Variants in TOP3B observed in about 807,000 individuals in gnomAD.
The protein encoded by TOP3B is DNA topoisomerase 3-beta-1.
A neutral mutation model predicts 93.9 loss-of-function variants in TOP3B; 45 were observed. That is an observed-to-expected ratio of 0.48 (90% CI 0.38 to 0.61). The LOEUF (loss-of-function observed/expected upper bound fraction) is 0.61, where lower values mean the gene tolerates loss of function less well. Among genes scored for constraint, TOP3B ranks in the 20% least tolerant of loss-of-function variants. TOP3B has a pLI of 0.00. For synonymous variants in TOP3B, 357 were observed against 472.6 expected (o/e 0.76, Z 3.17); for missense variants, 750 against 1,156.1 (o/e 0.65, Z 5.09).
chr22:21,971,731 A>C lies in TOP3B; in HGVS notation c.384+146T>G. The C allele has an allele frequency of 4.1e-6, 3 of 739,688 alleles. No individual in the cohort carries two copies. Among genetic ancestry groups the C allele is most frequent in the Non-Finnish European group, 7.3e-6 (3 of 412,316 alleles). 45.8% of individuals were successfully genotyped at this position (739,688 alleles called of 1,614,324 possible). The stretch of plus-strand genomic sequence containing the variant: ...GTTAAAAGTATCTGTGGAGTTTCAG[A>C]ATAAAGGGAGGGGAGAGGTGTTTTT... On this transcript the variant is annotated intron_variant, in intron 5 of 17. Coordinates refer to ENST00000357179, the MANE Select transcript of TOP3B (RefSeq NM_001282112.2). The surrounding 1 kb of genome is among the most constrained non-coding windows in gnomAD (Gnocchi z 4.6).
At position 21,959,707 on chromosome 22, in the gene TOP3B, T is replaced by G; in HGVS notation, c.1684A>C (p.Ser562Arg). The G allele has an allele frequency of 6.2e-7, 1 of 1,613,388 alleles. No homozygotes were observed. Among genetic ancestry groups the G allele is most frequent in the Non-Finnish European group, 8.5e-7 (1 of 1,179,914 alleles). Residue 562 changes from serine (S) to arginine (R), a missense_variant, in exon 15 of 18, where the codon AGT becomes CGT. Transcript: ENST00000357179. Reference sequence around the variant, plus strand: ...AGGTTCAGCTGCTTCTCCACTGCACTGCGGATGGTGGGGAGCACCAGCTCT... The same window carrying G: ...AGGTTCAGCTGCTTCTCCACTGCACGGCGGATGGTGGGGAGCACCAGCTCT... ...DAELVLPTIR[S>R]AVEKQLNLIA...
At position 21,959,663 on chromosome 22, in the gene TOP3B, G is replaced by A. The variant is rs773342827; in HGVS notation, c.1728C>T (p.Ala576=). The change falls in exon 15 of 18, where the codon GCC becomes GCT. Residue 576 remains alanine, a synonymous_variant. Coordinates refer to ENST00000357179, the MANE Select transcript of TOP3B (RefSeq NM_001282112.2). ...KQLNLIAQGK[A]DYRQVLGHTL... ...TGTGGCCCAGGACCTGGCGGTAGTC[G>A]GCCTTGCCCTGGGCGATCAGGTTCA... The A allele has an allele frequency of 6.9e-5, 111 of 1,613,642 alleles. No homozygotes were observed. The South Asian group carries it at 7.4e-4, about 11-fold the overall frequency.
Position 21,974,492 on chromosome 22 carries a change from G to A in TOP3B, c.71-4C>T, listed in dbSNP as rs1221792797. 1.2e-6 allele frequency: 2 copies of A among 1,601,304 alleles called. No individual in the cohort carries two copies. The highest frequency in any genetic ancestry group is 4.5e-5 in the East Asian group (2 of 44,106). On this transcript the variant is annotated splice_region_variant and splice_polypyrimidine_tract_variant and intron_variant, in intron 2 of 17. Coordinates refer to ENST00000357179, the MANE Select transcript of TOP3B (RefSeq NM_001282112.2). ...CCTTTGTGTGAGGACAGGCTCCCTG[G>A]GGATGAGGAAGCACAAAGTGACTGG...
intron 8 of TOP3B, 182 bp downstream of exon 8, chr22:21,967,421 G>A (rs1466258982): frequency 1.5e-5 from 9 of 604,106 alleles, no homozygotes; most frequent in Non-Finnish European, 2.7e-5. Flanking sequence ...CTATTGCACT[G>A]GGCAGAAATA....
At chr22:21,968,112 G>C in intron 7 of TOP3B, 1 of 269,538 alleles carries the variant, frequency 3.7e-6, no homozygotes, top group Non-Finnish European at 7.2e-6. Flanking sequence ...TGCTAGGCTG[G>C]AGTGCAGTGG....
rs577631005 is a variant in TOP3B at position 21,959,074 on chromosome 22, A to C, written c.1905+58T>G. 8 of 1,587,390 alleles carry C rather than the reference A, an allele frequency of 5.0e-6. No individual in the cohort carries two copies. The South Asian group carries it at 8.9e-5, about 18-fold the overall frequency. On this transcript the variant is annotated intron_variant, in intron 16 of 17. Transcript: ENST00000357179. ...AACATGATTCCTGCTGATCAACGAT[A>C]AAGCTGAGGCCTACAGGGGTGAGGC... is the stretch of plus-strand genomic sequence containing the variant.
intron 3 of TOP3B, 82 bp downstream of exon 3, chr22:21,974,275 G>C: frequency 1.3e-6 from 2 of 1,523,686 alleles, no homozygotes; most frequent in Non-Finnish European, 1.8e-6. Flanking sequence ...TCCCTGCCTA[G>C]AGGCATCTCC....
At chr22:21,960,941 G>C (rs892821335) in intron 13 of TOP3B, 1 of 160,032 alleles carries the variant, frequency 6.2e-6, no homozygotes, top group East Asian at 1.8e-4. Context: ...TGCAAGGCCC[G>C]TCACGATCCC....
chr22:21,978,577 G>T (rs749797254), intron 1 of TOP3B, among the ~76,000 whole-genome samples: 15 of 152,130 alleles, frequency 9.9e-5, no homozygotes, highest in Non-Finnish European at 1.9e-4. Flanking sequence ...CAGGCTGGGG[G>T]TCGGGAGATG....
In TOP3B at chr22:21,972,706, T is replaced by C; in HGVS notation, c.215A>G (p.Lys72Arg). The change falls in exon 4 of 18, where the codon AAA (lysine) becomes AGA (arginine). Residue 72 changes from lysine to arginine, a missense_variant. Physicochemically the swap from Lys to Arg is conservative, Grantham distance 26. Coordinates refer to ENST00000357179, the MANE Select transcript of TOP3B (RefSeq NM_001282112.2). ...MTLDFLGKYNKWDKVDPAELF... is the reference protein window; with the variant it reads ...MTLDFLGKYNRWDKVDPAELF... The stretch of plus-strand genomic sequence containing the variant: ...TTCTGCGGGGTCCACTTTGTCCCAT[T>C]TGTTGTATTTTCCTACAAACCAGTC... 2 of 1,613,842 alleles carry C rather than the reference T, an allele frequency of 1.2e-6. No homozygotes were observed. Among genetic ancestry groups the C allele is most frequent in the East Asian group, 2.2e-5 (1 of 44,874 alleles).
intron 1 of TOP3B, among the ~76,000 whole-genome samples, chr22:21,978,286 G>A (rs2071965713): frequency 6.6e-6 from 1 of 152,006 alleles, no homozygotes; most frequent in African/African-American, 2.4e-5. Flanking sequence ...AGGCAGAGCT[G>A]GGCATGGGCT....
intron 1 of TOP3B, among the ~76,000 whole-genome samples, chr22:21,979,527 TG>T (rs569607916): frequency 2.6e-4 from 39 of 152,202 alleles, no homozygotes; most frequent in African/African-American, 8.9e-4. Flanking sequence ...GGCCTCAGGC[TG>T]GGCACGGTGG....
chr22:21,959,033 G>T (rs2071050556), intron 16 of TOP3B, 99 bp downstream of exon 16: 3 of 1,514,004 alleles, frequency 2.0e-6, no homozygotes, highest in Non-Finnish European at 2.7e-6. Context: ...ATTCTTTTGT[G>T]ACAACCAGGA....
intron 16 of TOP3B, 87 bp from the exon 17 acceptor site, chr22:21,958,780 GT>G: frequency 2.1e-6 from 3 of 1,462,742 alleles, no homozygotes; most frequent in South Asian, 2.8e-5. Context: ...TACAAAGTAT[GT>G]AATCTGTCAT....
chr22:21,968,839 G>A (rs556947617), intron 6 of TOP3B, 64 bp from the exon 7 acceptor site: 2 of 1,585,426 alleles, frequency 1.3e-6, no homozygotes, highest in East Asian at 2.2e-5. Flanking sequence ...GGCCACCCAT[G>A]TGAGTCCAGC....
chr22:21,967,348 G>A (rs969573739), intron 8 of TOP3B: 1 of 454,004 alleles, frequency 2.2e-6, no homozygotes, highest in Non-Finnish European at 4.0e-6. Flanking sequence ...GAGTGGAAGG[G>A]GTCCGACAAG....
intron 16 of TOP3B, 37 bp downstream of exon 16, chr22:21,959,095 G>T (rs1375130532): frequency 6.2e-7 from 1 of 1,610,652 alleles, no homozygotes. Context: ...CTACAGGGGT[G>T]AGGCAGCTTG....
intron 8 of TOP3B, chr22:21,966,438 T>C (rs905894456): frequency 6.6e-6 from 1 of 152,190 alleles, no homozygotes; most frequent in Non-Finnish European, 1.5e-5. Flanking sequence ...CCACTCCTTG[T>C]TGTGGGGAGG....
At position 21,959,674 on chromosome 22, in the gene TOP3B, G is replaced by A. The variant is rs1007440541; in HGVS notation, c.1717C>T (p.Gln573Ter). The A allele has an allele frequency of 6.2e-7, 1 of 1,613,676 alleles. No homozygotes were observed. Among genetic ancestry groups the A allele is most frequent in the Non-Finnish European group, 8.5e-7 (1 of 1,179,942 alleles). ...ACCTGGCGGTAGTCGGCCTTGCCCT[G>A]GGCGATCAGGTTCAGCTGCTTCTCC... Reference protein sequence around the residue: ...AVEKQLNLIAQGKADYRQVLG... With the variant: ...AVEKQLNLIA Residue 573 changes from glutamine to a stop codon, truncating the protein, a stop_gained, in exon 15 of 18, where the codon CAG becomes TAG. Coordinates refer to ENST00000357179, the MANE Select transcript of TOP3B (RefSeq NM_001282112.2). LOFTEE classifies it high-confidence loss of function.
Sources: gnomAD v4.1 joint callset for allele counts (sites outside exome capture counted in the v4.1 genomes callset) on GRCh38, gnomAD v4.1.1 for gene constraint, Gnocchi (gnomAD v3.1) non-coding constraint, MANE v1.5 for transcripts, NCBI Gene and HGNC (gene_info 2026-07-23, HGNC 2026-07-21) for gene names.